Variants in LRRC4C observed in about 807,000 individuals in gnomAD.
LRRC4C encodes the protein leucine rich repeat containing 4C.
LRRC4C carries 5 observed loss-of-function variants against 33.6 expected under a neutral mutation model. The observed-to-expected ratio is 0.15, with a 90% confidence interval of 0.08 to 0.31. The LOEUF (loss-of-function observed/expected upper bound fraction) is 0.31, where lower values mean the gene tolerates loss of function less well. Among genes scored for constraint, LRRC4C ranks in the 10% least tolerant of loss-of-function variants. The pLI, the probability that LRRC4C is intolerant of heterozygous loss-of-function variation, is 1.00. For synonymous variants in LRRC4C, 329 were observed against 302.0 expected (o/e 1.09, Z -0.93); for missense variants, 560 against 796.7 (o/e 0.70, Z 3.58).
At chr11:40,683,022 TAAAG>T (rs1018706575) in intron 2 of LRRC4C, among the ~76,000 whole-genome samples, 19 of 152,204 alleles carry the variant, frequency 1.2e-4, no homozygotes, top group Non-Finnish European at 2.6e-4. Flanking sequence ...GCAAAAGAAA[TAAAG>T]AAACGGTTAC....
intron 4 of LRRC4C, among the ~76,000 whole-genome samples, chr11:40,246,878 T>A (rs887584308): frequency 1.3e-5 from 2 of 152,110 alleles, no homozygotes; most frequent in Non-Finnish European, 2.9e-5. Context: ...GAAGAAAAAA[T>A]AATTTGTTTA....
intron 2 of LRRC4C, among the ~76,000 whole-genome samples, chr11:40,783,796 T>C (rs1246882354): frequency 1.1e-4 from 16 of 152,106 alleles, no homozygotes. Flanking sequence ...GAAAATGTAT[T>C]TGAGTAATTT....
chr11:40,395,856 A>T (rs1445619854), intron 3 of LRRC4C, among the ~76,000 whole-genome samples: 1 of 152,092 alleles, frequency 6.6e-6, no homozygotes, highest in African/African-American at 2.4e-5. Context: ...GTGTGGTCAC[A>T]TGCACCTGTA....
At chr11:41,030,913 A>T (rs992298431) in intron 1 of LRRC4C, among the ~76,000 whole-genome samples, 1 of 151,786 alleles carries the variant, frequency 6.6e-6, no homozygotes, top group Non-Finnish European at 1.5e-5. Context: ...AAAACCACTT[A>T]AAAATGCATT....
At chr11:40,303,833 G>A (rs919909123) in intron 4 of LRRC4C, among the ~76,000 whole-genome samples, 5 of 152,176 alleles carry the variant, frequency 3.3e-5, no homozygotes, top group South Asian at 2.1e-4. Context: ...TAGATTTTAC[G>A]CTTTTATTAG....
At chr11:40,189,437 G>A (rs1861656834) in intron 5 of LRRC4C, among the ~76,000 whole-genome samples, 1 of 152,220 alleles carries the variant, frequency 6.6e-6, no homozygotes, top group South Asian at 2.1e-4. Context: ...TTTATAGTTA[G>A]GAAGACCTGG....
chr11:40,998,482 A>ACATCT (rs1345396711), intron 1 of LRRC4C, among the ~76,000 whole-genome samples: 2 of 152,140 alleles, frequency 1.3e-5, no homozygotes. Context: ...ATGGATTTAT[A>ACATCT]CATCTCTGGG....
intron 1 of LRRC4C, among the ~76,000 whole-genome samples, chr11:41,421,363 C>T (rs1954867810): frequency 6.6e-6 from 1 of 152,018 alleles, no homozygotes; most frequent in African/African-American, 2.4e-5. Flanking sequence ...AATTTTGCTA[C>T]CAATTCAGAG....
At chr11:41,188,931 T>C (rs1276645863) in intron 1 of LRRC4C, among the ~76,000 whole-genome samples, 2 of 139,246 alleles carry the variant, frequency 1.4e-5, no homozygotes, top group East Asian at 5.2e-4. Flanking sequence ...GTATAATTTA[T>C]GTTGGCAATT....
chr11:40,335,076 T>A (rs1946538232), intron 3 of LRRC4C, among the ~76,000 whole-genome samples: 1 of 152,200 alleles, frequency 6.6e-6, no homozygotes, highest in African/African-American at 2.4e-5. Context: ...ATTTTTTAAA[T>A]GTACAAACAA....
intron 3 of LRRC4C, among the ~76,000 whole-genome samples, chr11:40,574,351 C>T (rs1463051567): frequency 6.6e-6 from 1 of 152,118 alleles, no homozygotes; most frequent in African/African-American, 2.4e-5. Flanking sequence ...GAAGCCCTGA[C>T]ATGGGAAGCT....
chr11:40,596,030 C>G (rs1456010385), intron 3 of LRRC4C, among the ~76,000 whole-genome samples: 1 of 151,210 alleles, frequency 6.6e-6, no homozygotes, highest in Non-Finnish European at 1.5e-5. Context: ...GTGTTGTATT[C>G]CCAGTGTAGC....
At chr11:40,502,688 G>C (rs976299534) in intron 3 of LRRC4C, among the ~76,000 whole-genome samples, 5 of 152,076 alleles carry the variant, frequency 3.3e-5, no homozygotes, top group Non-Finnish European at 5.9e-5. Context: ...GATTTGGTTG[G>C]GGACACAGAG....
At chr11:41,050,870 T>C (rs1257658555) in intron 1 of LRRC4C, among the ~76,000 whole-genome samples, 1 of 152,166 alleles carries the variant, frequency 6.6e-6, no homozygotes, top group Admixed American at 6.6e-5. Flanking sequence ...TTATAATGGA[T>C]TCTAGAGGTT....
chr11:40,419,429 G>A (rs1950444662), intron 3 of LRRC4C, among the ~76,000 whole-genome samples: 3 of 152,026 alleles, frequency 2.0e-5, no homozygotes, highest in South Asian at 2.1e-4. Flanking sequence ...ATCCCAGGGA[G>A]ACAATAATTT....
intron 2 of LRRC4C, among the ~76,000 whole-genome samples, chr11:40,685,535 T>C (rs939066103): frequency 1.3e-5 from 2 of 151,966 alleles, no homozygotes; most frequent in African/African-American, 2.4e-5. Context: ...GTAAGATTTT[T>C]ATAACTATAA....
intron 2 of LRRC4C, among the ~76,000 whole-genome samples, chr11:40,670,557 G>A (rs1479108935): frequency 6.6e-6 from 1 of 152,022 alleles, no homozygotes; most frequent in Non-Finnish European, 1.5e-5. Flanking sequence ...AAGGATAACA[G>A]CAATACACCT....
intron 1 of LRRC4C, among the ~76,000 whole-genome samples, chr11:41,053,549 G>A (rs1858406834): frequency 6.6e-6 from 1 of 152,108 alleles, no homozygotes; most frequent in Admixed American, 6.5e-5. Flanking sequence ...CCTGATGTAG[G>A]GAAACTGTGA....
chr11:40,602,034 C>T (rs983897495), intron 3 of LRRC4C, among the ~76,000 whole-genome samples: 5 of 148,740 alleles, frequency 3.4e-5, no homozygotes, highest in African/African-American at 1.2e-4. Flanking sequence ...ACTAAAAATA[C>T]AAAAAAAAAA....
Sources: allele counts gnomAD v4.1 joint callset (sites outside exome capture counted in the v4.1 genomes callset), GRCh38; gene constraint gnomAD v4.1.1; transcripts MANE v1.5; gene names NCBI Gene and HGNC (gene_info 2026-07-23, HGNC 2026-07-21).